SCAPER: variants seen among roughly 807,000 people sequenced by gnomAD.
SCAPER encodes the protein S phase cyclin A-associated protein in the endoplasmic reticulum.
Under a neutral mutation model 182.2 loss-of-function variants are expected in SCAPER, and 98 were observed. The ratio of observed to expected loss-of-function variants is 0.54; its 90% CI spans 0.46 to 0.64. The LOEUF is 0.64. Among genes scored for constraint, SCAPER ranks in the 30% least tolerant of loss-of-function variants. The pLI, the probability that SCAPER is intolerant of heterozygous loss-of-function variation, is 0.00. For synonymous variants in SCAPER, 605 were observed against 564.6 expected, an observed-to-expected ratio of 1.07 and a Z score of -1.01; for missense variants, 1,432 against 1,690.0, an observed-to-expected ratio of 0.85 and a Z score of 2.68.
At chr15:76,895,856 C>T (rs538927855) in intron 1 of SCAPER, among the ~76,000 whole-genome samples, 5 of 151,986 alleles carry the variant, frequency 3.3e-5, no homozygotes, top group African/African-American at 1.2e-4. Flanking sequence ...CTGGCTGACA[C>T]AGTGAAACCC....
intron 18 of SCAPER, among the ~76,000 whole-genome samples, chr15:76,704,389 T>C (rs1449062678): frequency 6.6e-6 from 1 of 152,216 alleles, no homozygotes; most frequent in African/African-American, 2.4e-5. Context: ...AGACATGAAG[T>C]CCTTGCCCAT....
chr15:76,591,456 C>A (rs62030415), intron 22 of SCAPER, among the ~76,000 whole-genome samples: 10,190 of 152,142 alleles, frequency 0.067, 378 homozygotes, highest in Middle Eastern at 0.1. Flanking sequence ...ACAGAATATT[C>A]TTTTAATATA....
intron 25 of SCAPER, among the ~76,000 whole-genome samples, chr15:76,447,685 T>C (rs998202108): frequency 3.3e-5 from 5 of 152,206 alleles, no homozygotes. Context: ...GACACCTATC[T>C]CTGAAATAAT....
chr15:76,372,947 A>G (rs1051985982), intron 29 of SCAPER, among the ~76,000 whole-genome samples: 2 of 152,182 alleles, frequency 1.3e-5, no homozygotes, highest in Non-Finnish European at 2.9e-5. Flanking sequence ...AAATGTTAAC[A>G]GTGGCTATCT....
intron 26 of SCAPER, among the ~76,000 whole-genome samples, chr15:76,426,245 C>T (rs2046416541): frequency 6.6e-6 from 1 of 152,230 alleles, no homozygotes; most frequent in Non-Finnish European, 1.5e-5. Flanking sequence ...CCTCCCTGAG[C>T]TGTGGTAGGC....
chr15:76,775,402 G>C (rs1279431207), intron 8 of SCAPER, among the ~76,000 whole-genome samples: 1 of 152,096 alleles, frequency 6.6e-6, no homozygotes, highest in Non-Finnish European at 1.5e-5. Context: ...TGTGAGTACT[G>C]TTTTAAGTGC....
At chr15:76,467,073 C>T (rs527478305) in intron 25 of SCAPER, among the ~76,000 whole-genome samples, 3 of 152,162 alleles carry the variant, frequency 2.0e-5, no homozygotes, top group African/African-American at 7.2e-5. Context: ...TCACTCTCCT[C>T]CTCCTTCTCC....
At chr15:76,501,914 A>G (rs1281009395) in intron 24 of SCAPER, among the ~76,000 whole-genome samples, 1 of 152,240 alleles carries the variant, frequency 6.6e-6, no homozygotes, top group Non-Finnish European at 1.5e-5. Flanking sequence ...GTCCACCAGT[A>G]TGCTCTTATT....
At chr15:76,377,793 C>T (rs2042670428) in intron 28 of SCAPER, among the ~76,000 whole-genome samples, 1 of 152,316 alleles carries the variant, frequency 6.6e-6, no homozygotes, top group Middle Eastern at 3.4e-3. Context: ...GGTTCTCACA[C>T]AAAATAAGCA....
chr15:76,607,135 G>T (rs2145874274), intron 22 of SCAPER, among the ~76,000 whole-genome samples: 1 of 152,318 alleles, frequency 6.6e-6, no homozygotes, highest in African/African-American at 2.4e-5. Context: ...AATTTGGCAT[G>T]TTTTTGCAGT....
At chr15:76,744,998 T>C (rs1024356061) in intron 15 of SCAPER, among the ~76,000 whole-genome samples, 4 of 152,096 alleles carry the variant, frequency 2.6e-5, no homozygotes, top group Non-Finnish European at 5.9e-5. Flanking sequence ...TGCAGCAACA[T>C]AGATGGAACT....
chr15:76,893,556 C>G (rs1047344043), intron 1 of SCAPER, among the ~76,000 whole-genome samples: 7 of 152,046 alleles, frequency 4.6e-5, no homozygotes, highest in African/African-American at 1.7e-4. Flanking sequence ...TTGAACAGTT[C>G]TATAGGCCAA....
At chr15:76,712,888 G>A (rs1170387205) in intron 17 of SCAPER, among the ~76,000 whole-genome samples, 3 of 152,088 alleles carry the variant, frequency 2.0e-5, no homozygotes, top group Admixed American at 1.3e-4. Context: ...CTGCAAACAG[G>A]GACAATTTGA....
At chr15:76,766,825 A>G (rs1359469446) in intron 11 of SCAPER, 93 bp downstream of exon 11, 1 of 925,804 alleles carries the variant, frequency 1.1e-6, no homozygotes, top group African/African-American at 1.7e-5. Context: ...AATTCTAAAT[A>G]GGACTAGATG....
chr15:76,578,993 C>CCTT (rs2048058981), intron 22 of SCAPER, among the ~76,000 whole-genome samples: 1 of 151,910 alleles, frequency 6.6e-6, no homozygotes, highest in Non-Finnish European at 1.5e-5. Context: ...ATACATTTAG[C>CCTT]GAAGAGATAA....
intron 25 of SCAPER, among the ~76,000 whole-genome samples, chr15:76,464,772 G>C (rs2049466903): frequency 1.3e-5 from 2 of 152,120 alleles, no homozygotes; most frequent in African/African-American, 4.8e-5. Flanking sequence ...CCCAGAAGCA[G>C]GATTGATGAA....
At chr15:76,669,386 A>C (rs1439852161) in intron 20 of SCAPER, among the ~76,000 whole-genome samples, 2 of 68,716 alleles carry the variant, frequency 2.9e-5, no homozygotes, top group Non-Finnish European at 6.1e-5. Flanking sequence ...AAAAAAACTT[A>C]AAACAAATAA....
At chr15:76,403,002 A>G (rs760608520) in intron 27 of SCAPER, among the ~76,000 whole-genome samples, 3 of 152,328 alleles carry the variant, frequency 2.0e-5, no homozygotes, top group South Asian at 4.1e-4. Flanking sequence ...GGAAATGCTT[A>G]TATTTGTGAT....
In SCAPER at chr15:76,820,357, A is replaced by G. The variant is rs574000312; in HGVS notation, c.394-15724T>C. 8.1e-3 allele frequency among the ~76,000 whole-genome samples: 1,231 copies of G among 152,302 alleles called. 12 individuals are homozygous for G. Among genetic ancestry groups the G allele is most frequent in the African/African-American group, 0.028 (1,167 of 41,552 alleles). On this transcript the variant is annotated intron_variant, in intron 5 of 31. Transcript: ENST00000563290. ...ACCAACCCAAATGTCCAACAAGGAT[A>G]GACTGGATTAAGAAAATGTGGCACA...
Sources: gnomAD v4.1 joint callset for allele counts (sites outside exome capture counted in the v4.1 genomes callset) on GRCh38, gnomAD v4.1.1 for gene constraint, MANE v1.5 for transcripts, NCBI Gene and HGNC (gene_info 2026-07-23, HGNC 2026-07-21) for gene names.